The following KCNH8 variants were observed in gnomAD, a reference collection of about 807,000 sequenced individuals.
KCNH8 encodes voltage-gated delayed rectifier potassium channel KCNH8.
KCNH8 carries 70 observed loss-of-function variants against 103.6 expected under a neutral mutation model. The ratio of observed to expected loss-of-function variants is 0.68; its 90% CI spans 0.56 to 0.82. KCNH8 has a LOEUF of 0.82. Ranked by LOEUF, KCNH8 falls within the 40% of genes least tolerant of loss-of-function variation. The pLI is 0.00. For missense variants in KCNH8, 1,217 were observed against 1,329.9 expected, an observed-to-expected ratio of 0.92 and a Z score of 1.32; for synonymous variants, 498 against 489.4, an observed-to-expected ratio of 1.02 and a Z score of -0.23.
chr3:19,227,352 A>G (rs1017181640), intron 1 of KCNH8, among the ~76,000 whole-genome samples: 2 of 152,106 alleles, frequency 1.3e-5, no homozygotes, highest in African/African-American at 4.8e-5. Flanking sequence ...GAGAAGGGGG[A>G]TGATTGGGAG....
chr3:19,513,101 G>T lies in KCNH8; in HGVS notation c.2211G>T (p.Ser737=), dbSNP rs115216381. The change falls in exon 13 of 16, where the codon TCG becomes TCT. Residue 737 remains serine (S), a synonymous_variant. Coordinates refer to ENST00000328405, the MANE Select transcript of KCNH8 (RefSeq NM_144633.3). The part of the protein sequence containing the change: ...LSPICTRGSS[S]RNKKVGSNKA... ...CCATCTGCACAAGGGGATCTTCTTC[G>T]CGCAACAAGAAGGTTGGAAGCAATA... is the stretch of plus-strand genomic sequence containing the variant. The T allele has an allele frequency of 1.9e-6, 3 of 1,613,770 alleles. No homozygotes were observed. The highest frequency in any genetic ancestry group is 1.1e-5 in the South Asian group (1 of 91,068).
intron 11 of KCNH8, among the ~76,000 whole-genome samples, chr3:19,493,164 C>T (rs2068363710): frequency 1.3e-5 from 2 of 152,066 alleles, no homozygotes; most frequent in Non-Finnish European, 2.9e-5. Context: ...AATAATATCA[C>T]AAAGAGAGAC....
chr3:19,375,888 G>T (rs974979586), intron 5 of KCNH8, among the ~76,000 whole-genome samples: 1 of 152,090 alleles, frequency 6.6e-6, no homozygotes. Flanking sequence ...GTGTGCCCTT[G>T]CTGGGGGGTG....
intron 3 of KCNH8, among the ~76,000 whole-genome samples, chr3:19,287,739 C>A (rs1421177579): frequency 2.0e-5 from 3 of 152,150 alleles, no homozygotes; most frequent in African/African-American, 7.2e-5. Flanking sequence ...GGATGTGCCA[C>A]CACACCCAGC....
In KCNH8 at chr3:19,450,103, T is replaced by C; in HGVS notation, c.1376-3T>C. ...CCATTATATACTGTGTTGTTCTTTC[T>C]AGCCTTGATGCACGCCTTGGTGTTT... On this transcript the variant is annotated splice_region_variant and splice_polypyrimidine_tract_variant and intron_variant, in intron 8 of 15. Transcript: ENST00000328405. 6.2e-7 allele frequency: 1 copy of C among 1,612,874 alleles called. No homozygotes were observed. Among genetic ancestry groups the C allele is most frequent in the Non-Finnish European group, 8.5e-7 (1 of 1,179,188 alleles).
intron 3 of KCNH8, among the ~76,000 whole-genome samples, chr3:19,315,916 G>C (rs2065267749): frequency 6.6e-6 from 1 of 151,934 alleles, no homozygotes; most frequent in Admixed American, 6.6e-5. Flanking sequence ...TAGAAACTTA[G>C]ATCACTATTT....
intron 1 of KCNH8, among the ~76,000 whole-genome samples, chr3:19,180,254 ACTTGGCCCTT>A (rs2063438211): frequency 1.3e-4 from 1 of 7,764 alleles, no homozygotes; most frequent in Admixed American, 1.8e-3. Flanking sequence ...GCCAAGACAG[ACTTGGCCCTT>A]CAAAGGGCCA....
chr3:19,416,816 T>C lies in KCNH8; in HGVS notation c.1178-21348T>C, dbSNP rs145776157. 5.7e-3 allele frequency among the ~76,000 whole-genome samples: 871 copies of C among 152,302 alleles called. 7 individuals carry two copies. Among genetic ancestry groups the C allele is most frequent in the African/African-American group, 0.019 (799 of 41,556 alleles). On this transcript the variant is annotated intron_variant, in intron 7 of 15. Coordinates refer to ENST00000328405, the MANE Select transcript of KCNH8 (RefSeq NM_144633.3). ...CTTGCAATGCACATGGCTGAATTTTTAAATTTGCTTAAAAGAGACTACTTT... is the reference window on the plus strand; with the variant it reads ...CTTGCAATGCACATGGCTGAATTTTCAAATTTGCTTAAAAGAGACTACTTT...
intron 5 of KCNH8, among the ~76,000 whole-genome samples, chr3:19,373,747 G>A (rs2066142574): frequency 1.3e-5 from 2 of 151,536 alleles, no homozygotes; most frequent in Non-Finnish European, 2.9e-5. Flanking sequence ...TGGGCATTTA[G>A]TGCTATAAAT....
chr3:19,468,436 T>A (rs947249765), intron 11 of KCNH8, among the ~76,000 whole-genome samples: 1 of 152,166 alleles, frequency 6.6e-6, no homozygotes, highest in African/African-American at 2.4e-5. Context: ...CTGTTAGACA[T>A]AGCAAAGCCA....
chr3:19,302,039 C>A (rs1470460349), intron 3 of KCNH8, among the ~76,000 whole-genome samples: 1 of 152,120 alleles, frequency 6.6e-6, no homozygotes, highest in African/African-American at 2.4e-5. Context: ...CAAACTCTTG[C>A]ATTTACGGTT....
chr3:19,197,317 T>C lies in KCNH8; in HGVS notation c.76+48522T>C, dbSNP rs74549462. 7.7e-3 allele frequency among the ~76,000 whole-genome samples: 1,164 copies of C among 152,122 alleles called. 14 individuals carry two copies. The highest frequency in any genetic ancestry group is 0.026 in the African/African-American group (1,072 of 41,524). On this transcript the variant is annotated intron_variant, in intron 1 of 15. Transcript: ENST00000328405. ...CATCTTTGTTTTCTCGGATTTAGTT[T>C]TCTCTGTTATGAGGCCTTCTTGTAC...
chr3:19,331,803 A>G (rs193142125), intron 3 of KCNH8, among the ~76,000 whole-genome samples: 1 of 152,126 alleles, frequency 6.6e-6, no homozygotes, highest in African/African-American at 2.4e-5. Flanking sequence ...ATTGATTGTA[A>G]TCACTCTGTT....
At chr3:19,435,778 T>C (rs1446732250) in intron 7 of KCNH8, among the ~76,000 whole-genome samples, 2 of 152,206 alleles carry the variant, frequency 1.3e-5, no homozygotes, top group African/African-American at 4.8e-5. Context: ...AGATTCTCCA[T>C]AGTTTTTCAT....
intron 5 of KCNH8, among the ~76,000 whole-genome samples, chr3:19,351,784 G>A (rs1345997023): frequency 6.6e-6 from 1 of 152,116 alleles, no homozygotes; most frequent in Non-Finnish European, 1.5e-5. Flanking sequence ...GCAAAAATAT[G>A]CCAGATTGTA....
intron 8 of KCNH8, among the ~76,000 whole-genome samples, chr3:19,449,162 C>T (rs1057514397): frequency 9.9e-5 from 15 of 152,042 alleles, no homozygotes; most frequent in African/African-American, 3.4e-4. Flanking sequence ...CCCTCAAATT[C>T]TGGTGAACAA....
At chr3:19,408,238 T>C (rs1457218094) in intron 7 of KCNH8, among the ~76,000 whole-genome samples, 2 of 151,964 alleles carry the variant, frequency 1.3e-5, no homozygotes, top group Non-Finnish European at 2.9e-5. Flanking sequence ...ATAGAATTTA[T>C]ACAAGCAAAG....
intron 14 of KCNH8, among the ~76,000 whole-genome samples, chr3:19,516,015 T>G (rs549358297): frequency 6.6e-6 from 1 of 152,098 alleles, no homozygotes; most frequent in African/African-American, 2.4e-5. Context: ...GTAAGAATGA[T>G]TCTGTCAACA....
chr3:19,352,956 T>G (rs2065824918), intron 5 of KCNH8, among the ~76,000 whole-genome samples: 2 of 151,706 alleles, frequency 1.3e-5, no homozygotes, highest in Admixed American at 6.6e-5. Flanking sequence ...CTGTTTTTTT[T>G]TAAAAGATCA....
Sources: gnomAD v4.1 joint callset for allele counts (sites outside exome capture counted in the v4.1 genomes callset) on GRCh38, gnomAD v4.1.1 for gene constraint, MANE v1.5 for transcripts, NCBI Gene and HGNC (gene_info 2026-07-23, HGNC 2026-07-21) for gene names.